CDH1: variants seen among roughly 807,000 people sequenced by gnomAD.
CDH1 encodes the protein cadherin-1.
A neutral mutation model predicts 84.5 loss-of-function variants in CDH1; 35 were observed. The ratio of observed to expected loss-of-function variants is 0.41; its 90% CI spans 0.32 to 0.55. CDH1 has a LOEUF of 0.55. CDH1 is among the 20% of genes least tolerant of loss of function. CDH1 has a pLI of 0.19. For synonymous variants in CDH1, 417 were observed against 439.0 expected (o/e 0.95, Z 0.63); for missense variants, 994 against 1,126.6 (o/e 0.88, Z 1.68).
At chr16:68,822,373 C>A (rs1961179320) in intron 12 of CDH1, 148 bp downstream of exon 12, 1 of 704,018 alleles carries the variant, frequency 1.4e-6, no homozygotes, top group Non-Finnish European at 2.6e-6. Context: ...GTCTTTGAGG[C>A]CTTGCTCCAA....
chr16:68,762,782 G>A (rs1026526754), intron 2 of CDH1, among the ~76,000 whole-genome samples: 2 of 151,706 alleles, frequency 1.3e-5, no homozygotes, highest in East Asian at 1.9e-4. Context: ...GTTGGTGGGC[G>A]CCTATAATCC....
chr16:68,819,801 T>C (rs1305223840), intron 11 of CDH1, among the ~76,000 whole-genome samples: 2 of 152,212 alleles, frequency 1.3e-5, no homozygotes, highest in East Asian at 3.9e-4. Context: ...GTATTTCTCC[T>C]TATATGTCTG....
chr16:68,815,876 C>A, intron 10 of CDH1, 117 bp downstream of exon 10: 1 of 1,232,540 alleles, frequency 8.1e-7, no homozygotes, highest in Non-Finnish European at 1.2e-6. Context: ...CAAGACCATT[C>A]TCTTAATTTA....
chr16:68,791,147 G>A (rs1249491002), intron 2 of CDH1, among the ~76,000 whole-genome samples: 3 of 152,134 alleles, frequency 2.0e-5, no homozygotes, highest in African/African-American at 7.2e-5. Context: ...TACTAGAACA[G>A]GCTGCCCCCA....
At chr16:68,787,687 CT>C (rs925872216) in intron 2 of CDH1, among the ~76,000 whole-genome samples, 10 of 151,898 alleles carry the variant, frequency 6.6e-5, no homozygotes, top group Middle Eastern at 3.4e-3. Flanking sequence ...GAGATAGAGT[CT>C]TGCTTTATCA....
intron 2 of CDH1, among the ~76,000 whole-genome samples, chr16:68,764,523 C>A (rs1201411288): frequency 6.6e-6 from 1 of 152,174 alleles, no homozygotes; most frequent in Non-Finnish European, 1.5e-5. Context: ...CTGCAGCGAA[C>A]TGAGATCACG....
chr16:68,764,569 C>T (rs1249948795), intron 2 of CDH1, among the ~76,000 whole-genome samples: 2 of 152,166 alleles, frequency 1.3e-5, no homozygotes, highest in Non-Finnish European at 2.9e-5. Context: ...GAGTGAGACT[C>T]CATCTCAAAA....
chr16:68,830,022 A>G (rs1961445075), intron 15 of CDH1, among the ~76,000 whole-genome samples: 1 of 148,502 alleles, frequency 6.7e-6, no homozygotes, highest in African/African-American at 2.5e-5. Context: ...CAATGGCGCA[A>G]TCTTTGCTCA....
chr16:68,782,783 C>T (rs1215870878), intron 2 of CDH1, among the ~76,000 whole-genome samples: 4 of 152,108 alleles, frequency 2.6e-5, no homozygotes, highest in Non-Finnish European at 5.9e-5. Flanking sequence ...CGTTTCCTGC[C>T]CCTCACCCCA....
intron 2 of CDH1, among the ~76,000 whole-genome samples, chr16:68,759,407 G>A (rs1963101925): frequency 6.6e-6 from 1 of 151,210 alleles, no homozygotes; most frequent in Admixed American, 6.6e-5. Flanking sequence ...GTACTCAACT[G>A]TTCATGTATG....
intron 1 of CDH1, among the ~76,000 whole-genome samples, chr16:68,737,761 G>T (rs1245185066): frequency 1.3e-5 from 2 of 152,144 alleles, no homozygotes; most frequent in Non-Finnish European, 1.5e-5. Context: ...GCGTGAAGCG[G>T]GGTGTAGGGG....
At chr16:68,788,320 C>T (rs951405334) in intron 2 of CDH1, among the ~76,000 whole-genome samples, 4 of 152,118 alleles carry the variant, frequency 2.6e-5, no homozygotes, top group Non-Finnish European at 5.9e-5. Context: ...ACAATTTACC[C>T]ACTGTAAGTG....
Position 68,813,338 on chromosome 16 carries a change from A to C in CDH1, c.1163A>C (p.Glu388Ala). ...TTYKGQVPEN[E>A]ANVVITTLKV... ...TACAAGGGTCAGGTGCCTGAGAACG[A>C]GGCTAACGTCGTAATCACCACACTG... Residue 388 changes from glutamate (E) to alanine (A), a missense_variant, in exon 9 of 16, where the codon GAG becomes GCG. This residue lies in a region of CDH1 where 769 missense variants were observed against 881.8 expected (regional missense o/e 0.87). Transcript: ENST00000261769. The C allele has an allele frequency of 6.2e-7, 1 of 1,614,200 alleles. No individual in the cohort carries two copies. Among genetic ancestry groups the C allele is most frequent in the South Asian group, 1.1e-5 (1 of 91,084 alleles).
intron 2 of CDH1, among the ~76,000 whole-genome samples, chr16:68,749,114 G>C (rs1261931577): frequency 6.6e-6 from 1 of 152,230 alleles, no homozygotes; most frequent in Non-Finnish European, 1.5e-5. Context: ...TGGGATTACA[G>C]GCATGAGCCA....
chr16:68,823,078 G>T, intron 12 of CDH1: 1 of 324,332 alleles, frequency 3.1e-6, no homozygotes, highest in Non-Finnish European at 5.7e-6. Context: ...TGGGCAAAAA[G>T]GTTCACCCTC....
chr16:68,834,091 G>A lies in CDH1; in HGVS notation c.*592G>A. ...TGCACCTCAGCCTCCCAAGTAGCTG[G>A]GACCACAGGCATGCACCACTACGCA... is the stretch of plus-strand genomic sequence containing the variant. On this transcript the variant is annotated 3_prime_UTR_variant, in exon 16 of 16. Coordinates refer to ENST00000261769, the MANE Select transcript of CDH1 (RefSeq NM_004360.5). 2.6e-6 allele frequency: 1 copy of A among 379,350 alleles called. No homozygotes were observed. Among genetic ancestry groups the A allele is most frequent in the Non-Finnish European group, 5.2e-6 (1 of 193,860 alleles). 23.5% of individuals were successfully genotyped at this position (379,350 alleles called of 1,614,324 possible).
In CDH1 at chr16:68,819,286, G is replaced by C. The variant is rs771419468; in HGVS notation, c.1572G>C (p.Arg524=). Reference sequence around the variant, plus strand: ...AGAGCTTGTCCCCGTTCAGATATCGGATTTGGAGAGACACTGCCAACTGGC... The same window carrying C: ...AGAGCTTGTCCCCGTTCAGATATCGCATTTGGAGAGACACTGCCAACTGGC... ...DTFMEQKITY[R]IWRDTANWLE... Residue 524 remains arginine (R), a synonymous_variant, in exon 11 of 16, where the codon CGG becomes CGC. Transcript: ENST00000261769. The C allele has an allele frequency of 1.1e-5, 17 of 1,614,078 alleles. No homozygotes were observed. The highest frequency in any genetic ancestry group is 1.4e-5 in the Non-Finnish European group (17 of 1,180,048).
At chr16:68,768,069 C>T (rs1183128410) in intron 2 of CDH1, among the ~76,000 whole-genome samples, 1 of 152,030 alleles carries the variant, frequency 6.6e-6, no homozygotes, top group Non-Finnish European at 1.5e-5. Flanking sequence ...GCCCCAGACT[C>T]CCAAGTAGCT....
In CDH1 at chr16:68,819,477, G is replaced by A. The variant is rs746402025; in HGVS notation, c.1711+52G>A. 4.5e-6 allele frequency: 7 copies of A among 1,572,684 alleles called. No individual in the cohort carries two copies. The East Asian group carries it at 1.3e-4, about 30-fold the overall frequency. ...CTGCCTCGACCTCCTAGCTAGTTCA[G>A]TTCCTTGCCCCTCCCTTCTTTTGGA... On this transcript the variant is annotated intron_variant, in intron 11 of 15. Transcript: ENST00000261769.
Sources: allele counts gnomAD v4.1 joint callset (sites outside exome capture counted in the v4.1 genomes callset), GRCh38; gene constraint gnomAD v4.1.1; regional missense constraint gnomAD v4.1.1; transcripts MANE v1.5; gene names NCBI Gene and HGNC (gene_info 2026-07-23, HGNC 2026-07-21).